Variants in UBR4 observed in about 807,000 individuals in gnomAD.
UBR4 encodes E3 ubiquitin-protein ligase UBR4.
A neutral mutation model predicts 575.6 loss-of-function variants in UBR4; 124 were observed. That is an observed-to-expected ratio of 0.22 (90% confidence interval 0.19 to 0.25). The LOEUF is 0.25. Among genes scored for constraint, UBR4 ranks in the 10% least tolerant of loss-of-function variants. The pLI is 1.00. For missense variants in UBR4, 4,818 were observed against 6,478.8 expected (o/e 0.74, Z 8.80); for synonymous variants, 2,455 against 2,473.7 (o/e 0.99, Z 0.22).
At chr1:19,121,864 G>A (rs1323503339) in intron 67 of UBR4, 70 bp downstream of exon 67, 1 of 1,537,078 alleles carries the variant, frequency 6.5e-7, no homozygotes, top group South Asian at 1.1e-5. Context: ...TTCAGTGCTT[G>A]GCATATAGTA....
chr1:19,162,583 T>C lies in UBR4; in HGVS notation c.4793A>G (p.His1598Arg), dbSNP rs150747540. ...GACATCAGCCAAGTAAGACATGATA[T>C]GGCATGTGCACTCCAAGATCATCAC... ...KHVMILECTC[H>R]IMSYLADVTN... Residue 1598 changes from histidine to arginine, a missense_variant, in exon 35 of 106, where the codon CAT becomes CGT. Physicochemically the swap from His to Arg is conservative, Grantham distance 29 (BLOSUM62 0). This residue lies in a region of UBR4 where 1,172 missense variants were observed against 1,259.7 expected (regional missense o/e 0.93). Transcript: ENST00000375254. The C allele has an allele frequency of 2.5e-6, 4 of 1,613,820 alleles. No individual in the cohort carries two copies. In the Admixed American group the frequency reaches 5.0e-5, roughly 20 times the overall value.
chr1:19,094,652 G>A (rs2077849122), intron 94 of UBR4, among the ~76,000 whole-genome samples: 2 of 152,236 alleles, frequency 1.3e-5, no homozygotes, highest in South Asian at 4.1e-4. Context: ...TCTATCAACT[G>A]AGACATGCCA....
At chr1:19,134,847 G>A (rs776913655) in intron 60 of UBR4, among the ~76,000 whole-genome samples, 18 of 151,960 alleles carry the variant, frequency 1.2e-4, no homozygotes, top group South Asian at 2.1e-4. Flanking sequence ...CTGCACCCCC[G>A]ACCCCACTCT....
chr1:19,197,211 A>T lies in UBR4; in HGVS notation c.948T>A (p.Pro316=). ...GAGAAGGATTGAGAGGTTCCAACAC[A>T]GGTAGAGAAAGGGTATCCAATGCCA... ...VTMALDTLSL[P]VLEPLNPSRL... is the part of the protein sequence containing the mutation. Residue 316 remains proline (P), a synonymous_variant, in exon 8 of 106, where the codon CCT becomes CCA. Transcript: ENST00000375254. 1.2e-6 allele frequency: 2 copies of T among 1,614,214 alleles called. No homozygotes were observed. Among genetic ancestry groups the T allele is most frequent in the Non-Finnish European group, 1.7e-6 (2 of 1,180,030 alleles).
At chr1:19,169,801 G>C (rs1196587871) in intron 26 of UBR4, among the ~76,000 whole-genome samples, 1 of 152,176 alleles carries the variant, frequency 6.6e-6, no homozygotes, top group Non-Finnish European at 1.5e-5. Context: ...CTGAAAATAA[G>C]ATGCAAAGTG....
rs887592633 is a variant in UBR4 at position 19,108,724 on chromosome 1, C to A, written c.12105+1372G>T. ...ACAAACATCAGAAGAATTACAGGGG[C>A]AAATAGTGTCTTAGGACAATTATGA... On this transcript the variant is annotated intron_variant, in intron 81 of 105. Coordinates refer to ENST00000375254, the MANE Select transcript of UBR4 (RefSeq NM_020765.3). 3.3e-4 allele frequency among the ~76,000 whole-genome samples: 50 copies of A among 152,124 alleles called. 1 individual carries two copies. Among genetic ancestry groups the A allele is most frequent in the African/African-American group, 1.2e-3 (50 of 41,424 alleles).
intron 41 of UBR4, 124 bp from the exon 42 acceptor site, chr1:19,156,547 G>A: frequency 1.5e-6 from 2 of 1,303,332 alleles, no homozygotes; most frequent in Admixed American, 2.8e-5. Context: ...TATTTAGACT[G>A]TCTAGTAACA....
chr1:19,128,801 C>T (rs2082101410), intron 61 of UBR4, among the ~76,000 whole-genome samples, 177 bp downstream of exon 61: 1 of 152,202 alleles, frequency 6.6e-6, no homozygotes, highest in African/African-American at 2.4e-5. Context: ...TTCTCTGACC[C>T]TTAGCTTTCT....
Position 19,153,484 on chromosome 1 carries a change from T to A in UBR4, c.6649A>T (p.Ile2217Phe). ...AKAKIQDMVAIRHTACNEQQR... is the reference protein window; with the variant it reads ...AKAKIQDMVAFRHTACNEQQR... ...TGCTCATTGCAGGCCGTGTGCCTAA[T>A]AGCAACCATGTCTTGGATCTAGGAG... Residue 2217 changes from isoleucine (I) to phenylalanine (F), a missense_variant, in exon 46 of 106, where the codon ATT becomes TTT. By Grantham distance (21) the Ile-to-Phe change is conservative. Coordinates refer to ENST00000375254, the MANE Select transcript of UBR4 (RefSeq NM_020765.3). The surrounding 1 kb of genome is among the most constrained non-coding windows in gnomAD (Gnocchi z 4.1). 1.2e-6 allele frequency: 2 copies of A among 1,614,072 alleles called. No homozygotes were observed. The highest frequency in any genetic ancestry group is 1.7e-6 in the Non-Finnish European group (2 of 1,179,994).
At chr1:19,180,932 C>T (rs2090881823) in intron 17 of UBR4, among the ~76,000 whole-genome samples, 1 of 152,176 alleles carries the variant, frequency 6.6e-6, no homozygotes, top group Non-Finnish European at 1.5e-5. Flanking sequence ...TTCATACTGG[C>T]ATTTCTAAGG....
Position 19,123,029 on chromosome 1 carries a change from C to T in UBR4, c.9620G>A (p.Arg3207His), listed in dbSNP as rs749263401. ...GAGCAGAAGTTTGCGGACTTGACGG[C>T]GCACAAATGGAGTCTGCTGGATCAT... ...YLMIQQTPFV[R>H]RQVRKLLLFI... Residue 3207 changes from arginine to histidine, a missense_variant, in exon 66 of 106, where the codon CGC becomes CAC. Arg to His is a conservative substitution (Grantham distance 29, BLOSUM62 0). Coordinates refer to ENST00000375254, the MANE Select transcript of UBR4 (RefSeq NM_020765.3). 5.0e-6 allele frequency: 8 copies of T among 1,614,160 alleles called. No homozygotes were observed. The highest frequency in any genetic ancestry group is 5.1e-6 in the Non-Finnish European group (6 of 1,180,042).
At chr1:19,196,291 TATCTTC>T (rs1464532363) in intron 8 of UBR4, among the ~76,000 whole-genome samples, 15 of 152,340 alleles carry the variant, frequency 9.8e-5, no homozygotes, top group African/African-American at 3.6e-4. Flanking sequence ...CCTTTATCTT[TATCTTC>T]CTATTCACAC....
intron 78 of UBR4, chr1:19,112,226 G>A (rs1405217714): frequency 3.5e-5 from 12 of 341,910 alleles, no homozygotes; most frequent in South Asian, 1.8e-4. Flanking sequence ...AGTCTTTCTC[G>A]AGTTCAAGTG....
At chr1:19,131,609 C>T (rs1406454806) in intron 60 of UBR4, among the ~76,000 whole-genome samples, 2 of 152,188 alleles carry the variant, frequency 1.3e-5, no homozygotes, top group Non-Finnish European at 1.5e-5. Flanking sequence ...CGTGGTGGCT[C>T]ATGCCTGTAA....
At chr1:19,145,508 G>GACAC (rs555050832) in intron 53 of UBR4, among the ~76,000 whole-genome samples, 1,981 of 145,066 alleles carry the variant, frequency 0.014, 34 homozygotes, top group Middle Eastern at 0.021. Flanking sequence ...AAACCACTGA[G>GACAC]ACACACACAC....
intron 55 of UBR4, 87 bp from the exon 56 acceptor site, chr1:19,141,864 C>T: frequency 6.4e-7 from 1 of 1,563,294 alleles, no homozygotes; most frequent in Non-Finnish European, 8.6e-7. Context: ...AACAAAAACC[C>T]AAGACAAGCT....
intron 53 of UBR4, 62 bp downstream of exon 53, chr1:19,145,731 G>C: frequency 6.3e-7 from 1 of 1,577,600 alleles, no homozygotes. Context: ...GGTCATAGCT[G>C]TTCAAAGACA....
intron 78 of UBR4, chr1:19,112,179 TA>T (rs2079964579): frequency 4.0e-6 from 1 of 250,488 alleles, no homozygotes; most frequent in South Asian, 8.7e-5. Context: ...TCCAAGCTCT[TA>T]ATCTCCAGGC....
At chr1:19,189,106 T>C (rs1158723901) in intron 11 of UBR4, among the ~76,000 whole-genome samples, 2 of 152,094 alleles carry the variant, frequency 1.3e-5, no homozygotes, top group Non-Finnish European at 2.9e-5. Context: ...ACATTAGTAA[T>C]CAAAGAAATA....
Sources: gnomAD v4.1 joint callset for allele counts (sites outside exome capture counted in the v4.1 genomes callset) on GRCh38, gnomAD v4.1.1 for gene constraint, gnomAD v4.1.1 regional missense constraint, Gnocchi (gnomAD v3.1) non-coding constraint, MANE v1.5 for transcripts, NCBI Gene and HGNC (gene_info 2026-07-23, HGNC 2026-07-21) for gene names.